Variants in DMPK observed in about 807,000 individuals in gnomAD.
DMPK encodes DM1 protein kinase, also known as myotonin-protein kinase.
Under a neutral mutation model 70.3 loss-of-function variants are expected in DMPK, and 32 were observed. The observed-to-expected ratio is 0.46, with a 90% confidence interval of 0.34 to 0.61. The LOEUF (loss-of-function observed/expected upper bound fraction) is 0.61. DMPK is among the 20% of genes least tolerant of loss of function. The pLI, the probability that DMPK is intolerant of heterozygous loss-of-function variation, is 0.01. For missense variants in DMPK, 899 were observed against 886.0 expected (o/e 1.01, Z -0.19); for synonymous variants, 469 against 390.9 (o/e 1.20, Z -2.36).
At position 45,777,749 on chromosome 19, in the gene DMPK, A is replaced by C; in HGVS notation, c.800T>G (p.Phe267Cys). 4.3e-6 allele frequency: 7 copies of C among 1,613,534 alleles called. No homozygotes were observed. The highest frequency in any genetic ancestry group is 5.9e-6 in the Non-Finnish European group (7 of 1,180,016). Residue 267 changes from phenylalanine (F) to cysteine (C), a missense_variant, in exon 7 of 15, where the codon TTC becomes TGC. By Grantham distance (205) the Phe-to-Cys change is radical. This residue lies in a region of DMPK where 195 missense variants were observed against 259.7 expected (regional missense o/e 0.75). Transcript: ENST00000291270. This position sits in a 1 kb window ranked among gnomAD's most constrained non-coding sequence, Gnocchi z 6.7. The part of the protein sequence containing the change: ...PECDWWALGV[F>C]AYEMFYGQTP... ...CTGCCCATAGAACATTTCATAGGCGAATACACCCAGCGCCCACCAGTCACA... is the reference window on the plus strand; with the variant it reads ...CTGCCCATAGAACATTTCATAGGCGCATACACCCAGCGCCCACCAGTCACA...
rs1486242522 is a variant in DMPK at position 45,773,134 on chromosome 19, C to A, written c.1233-382G>T. ...GGAGACTGCTTGGCTCTGGCCACCT[C>A]CACAGATGTGGTCCTAAGACTGGGC... On this transcript the variant is annotated intron_variant, in intron 9 of 14. Transcript: ENST00000291270. Among the ~76,000 whole-genome samples the A allele has an allele frequency of 2.6e-5, 4 of 152,330 alleles. 1 individual carries two copies. The South Asian group carries it at 8.3e-4, about 32-fold the overall frequency.
chr19:45,779,591 C>G (rs1367824172), intron 2 of DMPK, 69 bp from the exon 3 acceptor site: 15 of 1,597,078 alleles, frequency 9.4e-6, no homozygotes, highest in Non-Finnish European at 1.3e-5. Flanking sequence ...GACCCAACTC[C>G]ACCCGCTTCT....
At chr19:45,770,724 C>T (rs925288676) in intron 14 of DMPK, 84 bp from the exon 15 acceptor site, 6 of 1,434,368 alleles carry the variant, frequency 4.2e-6, no homozygotes, top group Non-Finnish European at 5.6e-6. Flanking sequence ...CATAGGTGGG[C>T]CCGCACTCTT....
Position 45,769,906 on chromosome 19 carries a change from G to A in DMPK, c.*582C>T, listed in dbSNP as rs1969222634. On this transcript the variant is annotated 3_prime_UTR_variant, in exon 15 of 15. Coordinates refer to ENST00000291270, the MANE Select transcript of DMPK (RefSeq NM_004409.5). Reference sequence around the variant, plus strand: ...ATAAATATCCAAACCGCCGAAGCGGGCGGAGCCGGCTGGGGCTCCGAGAGC... The same window carrying A: ...ATAAATATCCAAACCGCCGAAGCGGACGGAGCCGGCTGGGGCTCCGAGAGC... The A allele has an allele frequency of 3.5e-6, 1 of 283,114 alleles. No homozygotes were observed. 17.5% of individuals were successfully genotyped at this position (283,114 alleles called of 1,614,324 possible).
chr19:45,779,872 G>C lies in DMPK; in HGVS notation c.161-3C>G. On this transcript the variant is annotated splice_region_variant and splice_polypyrimidine_tract_variant and intron_variant, in intron 1 of 14. Transcript: ENST00000291270. Reference sequence around the variant, plus strand: ...AAGCCTCACCACGATGGGCTCCGCTGGGGGGGTGGTGGGGGAAAAGAACCG... The same window carrying C: ...AAGCCTCACCACGATGGGCTCCGCTCGGGGGGTGGTGGGGGAAAAGAACCG... The C allele has an allele frequency of 6.2e-7, 1 of 1,611,266 alleles. No individual in the cohort carries two copies. Among genetic ancestry groups the C allele is most frequent in the African/African-American group, 1.3e-5 (1 of 74,920 alleles).
chr19:45,774,344 G>A (rs1969656179), intron 9 of DMPK, among the ~76,000 whole-genome samples: 2 of 145,572 alleles, frequency 1.4e-5, no homozygotes. Flanking sequence ...CTCACTGCAA[G>A]CTCCGCCTCC....
At position 45,771,722 on chromosome 19, in the gene DMPK, G is replaced by T. The variant is rs773149416; in HGVS notation, c.1502+49C>A. 6.7e-5 allele frequency: 108 copies of T among 1,607,614 alleles called. 1 individual carries two copies. Among genetic ancestry groups the T allele is most frequent in the Middle Eastern group, 4.9e-4 (3 of 6,070 alleles). ...GGGCCGGACGAGAGGGGATGCCAAG[G>T]GTTGCCACCGGCCCGCATCCCGGCC... On this transcript the variant is annotated intron_variant, in intron 11 of 14. Coordinates refer to ENST00000291270, the MANE Select transcript of DMPK (RefSeq NM_004409.5).
Position 45,771,872 on chromosome 19 carries a change from C to T in DMPK, c.1401G>A (p.Thr467=), listed in dbSNP as rs1382702865. The T allele has an allele frequency of 3.8e-6, 6 of 1,588,778 alleles. No individual in the cohort carries two copies. The highest frequency in any genetic ancestry group is 2.3e-5 in the East Asian group (1 of 43,212). ...CCAGGGCTTCCTGGAGCTCCCGCAG[C>T]GTCACCTCGGCCTCAGCCTCTGCCG... ...VPAAEAEAEV[T]LRELQEALEE... The change falls in exon 11 of 15, where the codon ACG becomes ACA. Residue 467 remains threonine, a synonymous_variant. Transcript: ENST00000291270.
chr19:45,777,633 G>T lies in DMPK; in HGVS notation c.882+34C>A. ...AGGCGATAGCCTGGGAGCGCCTACCGGGAGAGGCCAGGTCTCCCTGCGGCC... is the reference window on the plus strand; with the variant it reads ...AGGCGATAGCCTGGGAGCGCCTACCTGGAGAGGCCAGGTCTCCCTGCGGCC... On this transcript the variant is annotated intron_variant, in intron 7 of 14. Transcript: ENST00000291270. This position sits in a 1 kb window ranked among gnomAD's most constrained non-coding sequence, Gnocchi z 6.7. 1 of 1,613,368 alleles carries T rather than the reference G, an allele frequency of 6.2e-7. No individual in the cohort carries two copies. Among genetic ancestry groups the T allele is most frequent in the Non-Finnish European group, 8.5e-7 (1 of 1,179,710 alleles).
Position 45,771,416 on chromosome 19 carries a change from G to A in DMPK, c.1601-20C>T, listed in dbSNP as rs1969432924. On this transcript the variant is annotated intron_variant, in intron 12 of 14. Transcript: ENST00000291270. Reference sequence around the variant, plus strand: ...TGACAGCTGGAAGGAGAAGAAAGAGGCATAGGGCGCGTGGAGGGGCGAAGG... The same window carrying A: ...TGACAGCTGGAAGGAGAAGAAAGAGACATAGGGCGCGTGGAGGGGCGAAGG... The A allele has an allele frequency of 6.2e-7, 1 of 1,610,828 alleles. No homozygotes were observed. The highest frequency in any genetic ancestry group is 1.7e-5 in the Admixed American group (1 of 58,908).
rs996287224 is a variant in DMPK at position 45,771,027 on chromosome 19, A to G, written c.1681T>C (p.Cys561Arg). The G allele has an allele frequency of 6.7e-6, 10 of 1,492,284 alleles. No homozygotes were observed. In the African/African-American group the frequency reaches 1.1e-4, roughly 17 times the overall value. The allele number at this position is 1,492,284 out of a possible 1,614,324, so 92.4% of individuals were successfully genotyped here. Residue 561 changes from cysteine (C) to arginine (R), a missense_variant, in exon 14 of 15, where the codon TGC (cysteine) becomes CGC (arginine). Around this residue, in one of 3 missense-constraint regions of DMPK, gnomAD observed 555 missense variants for 483.8 expected, o/e 1.15. Coordinates refer to ENST00000291270, the MANE Select transcript of DMPK (RefSeq NM_004409.5). ...DGPPAVAVGQ[C>R]PLVGPGPMHR... ...ATGGGGCCTGGCCCCACCAGCGGGC[A>G]CTGGCCCACAGCCACGGCCGGGGGG...
intron 9 of DMPK, among the ~76,000 whole-genome samples, chr19:45,772,968 G>A (rs1171159756): frequency 1.3e-5 from 2 of 152,208 alleles, no homozygotes; most frequent in Non-Finnish European, 2.9e-5. Context: ...TGGGCCCCTG[G>A]GAGCTGCTCT....
chr19:45,770,903 G>A (rs1969370895), intron 14 of DMPK, 68 bp downstream of exon 14: 2 of 1,218,232 alleles, frequency 1.6e-6, no homozygotes, highest in Non-Finnish European at 1.1e-6. Context: ...GCGCAGCTAA[G>A]CGGGTGGCAA....
At position 45,777,498 on chromosome 19, in the gene DMPK, C is replaced by A; in HGVS notation, c.975G>T (p.Leu325=). The A allele has an allele frequency of 6.2e-7, 1 of 1,613,532 alleles. No homozygotes were observed. The highest frequency in any genetic ancestry group is 1.7e-5 in the Admixed American group (1 of 60,026). The change falls in exon 8 of 15, where the codon CTG becomes CTT. Residue 325 remains leucine, a synonymous_variant. Transcript: ENST00000291270. This position sits in a 1 kb window ranked among gnomAD's most constrained non-coding sequence, Gnocchi z 6.7. The part of the protein sequence containing the change: ...QRLLCPPETR[L]GRGGAGDFRT... ...GGAAGTCGCCTGCTCCACCCCGGCC[C>A]AGCCGTGTCTCCGGGGGACACAGCA...
intron 1 of DMPK, 90 bp downstream of exon 1, chr19:45,782,103 T>TCC: frequency 1.2e-6 from 1 of 835,498 alleles, no homozygotes; most frequent in Non-Finnish European, 1.7e-6. Context: ...CCTGCCATCC[T>TCC]GCCCCCCCAA....
chr19:45,781,218 A>T (rs1970097321), intron 1 of DMPK, among the ~76,000 whole-genome samples: 1 of 152,126 alleles, frequency 6.6e-6, no homozygotes, highest in Non-Finnish European at 1.5e-5. Context: ...CAGGCCAAAA[A>T]CCAAACACCA....
intron 4 of DMPK, 109 bp downstream of exon 4, chr19:45,779,155 A>T: frequency 9.0e-7 from 1 of 1,108,920 alleles, no homozygotes; most frequent in Non-Finnish European, 1.4e-6. Context: ...TTTCCCACAG[A>T]CGTTTCCGGG....
At chr19:45,781,865 A>G (rs912460069) in intron 1 of DMPK, among the ~76,000 whole-genome samples, 2 of 152,146 alleles carry the variant, frequency 1.3e-5, no homozygotes, top group Non-Finnish European at 2.9e-5. Context: ...GGGAGCTCCC[A>G]GCATGACCCT....
At position 45,782,444 on chromosome 19, in the gene DMPK, C is replaced by T; in HGVS notation, c.-92G>A. On this transcript the variant is annotated 5_prime_UTR_variant, in exon 1 of 15. Transcript: ENST00000291270. ...GGCAGCCCCTGTCCAGGCCCTGGAG[C>T]CCTGGCTGCATGTCTGCCTGTCCCT... The T allele has an allele frequency of 7.3e-7, 1 of 1,374,910 alleles. No individual in the cohort carries two copies. Among genetic ancestry groups the T allele is most frequent in the South Asian group, 1.5e-5 (1 of 66,580 alleles). 85.2% of individuals were successfully genotyped at this position (1,374,910 alleles called of 1,614,324 possible). A position where few individuals can be genotyped will look rare whatever the true frequency, so the allele number is the denominator to read the frequency against.
Sources: allele counts gnomAD v4.1 joint callset (sites outside exome capture counted in the v4.1 genomes callset), GRCh38; gene constraint gnomAD v4.1.1; regional missense constraint gnomAD v4.1.1; non-coding constraint Gnocchi (gnomAD v3.1); transcripts MANE v1.5; gene names NCBI Gene and HGNC (gene_info 2026-07-23, HGNC 2026-07-21).